The following ASTN2 variants were observed in gnomAD, a reference collection of about 807,000 sequenced individuals.
ASTN2 encodes the protein astrotactin-2.
A neutral mutation model predicts 139.8 loss-of-function variants in ASTN2; 54 were observed. The ratio of observed to expected loss-of-function variants is 0.39; its 90% confidence interval spans 0.31 to 0.48. The LOEUF (loss-of-function observed/expected upper bound fraction) is 0.48. Among genes scored for constraint, ASTN2 ranks in the 20% least tolerant of loss-of-function variants. ASTN2 has a pLI of 0.95. For synonymous variants in ASTN2, 756 were observed against 719.5 expected, an observed-to-expected ratio of 1.05 and a Z score of -0.81; for missense variants, 1,565 against 1,725.1, an observed-to-expected ratio of 0.91 and a Z score of 1.64.
At chr9:117,372,540 A>T (rs1457912656) in intron 1 of ASTN2, among the ~76,000 whole-genome samples, 1 of 152,180 alleles carries the variant, frequency 6.6e-6, no homozygotes, top group African/African-American at 2.4e-5. Flanking sequence ...CATCTCACTG[A>T]GCCTCAGTTT....
At chr9:117,185,291 T>G (rs1831169075) in intron 3 of ASTN2, among the ~76,000 whole-genome samples, 2 of 152,232 alleles carry the variant, frequency 1.3e-5, no homozygotes, top group South Asian at 4.1e-4. Flanking sequence ...AATCTGTCAC[T>G]TCCTGATTTA....
chr9:117,377,521 T>G (rs552217928), intron 1 of ASTN2, among the ~76,000 whole-genome samples: 3 of 152,280 alleles, frequency 2.0e-5, no homozygotes, highest in African/African-American at 7.2e-5. Flanking sequence ...TCTCTGAGTG[T>G]AAATTAGGAT....
At chr9:117,238,527 T>C (rs1460086958) in intron 2 of ASTN2, among the ~76,000 whole-genome samples, 1 of 152,196 alleles carries the variant, frequency 6.6e-6, no homozygotes, top group East Asian at 1.9e-4. Flanking sequence ...GGCCAACAGC[T>C]CTGGCTCTGG....
intron 1 of ASTN2, among the ~76,000 whole-genome samples, chr9:117,321,922 C>G (rs890660310): frequency 6.6e-6 from 1 of 152,166 alleles, no homozygotes; most frequent in African/African-American, 2.4e-5. Flanking sequence ...GGAGAAAAAT[C>G]ACCTCCTGTT....
chr9:117,160,183 C>T lies in ASTN2; in HGVS notation c.1016-18705G>A, dbSNP rs374861355. Among the ~76,000 whole-genome samples the T allele has an allele frequency of 1.3e-4, 19 of 151,990 alleles. No homozygotes were observed. In the East Asian group the frequency reaches 2.7e-3, roughly 22 times the overall value. ...TGGCCAATGGGGAGTGAATATTTGCCGAATGGTAATCCAAGCTATTAAATA... is the reference window on the plus strand; with the variant it reads ...TGGCCAATGGGGAGTGAATATTTGCTGAATGGTAATCCAAGCTATTAAATA... On this transcript the variant is annotated intron_variant, in intron 3 of 22. Transcript: ENST00000313400.
At chr9:117,006,972 C>T (rs994516366) in intron 7 of ASTN2, among the ~76,000 whole-genome samples, 4 of 152,068 alleles carry the variant, frequency 2.6e-5, no homozygotes, top group Admixed American at 1.3e-4. Flanking sequence ...CAAAAATTAG[C>T]GACGTGTGGT....
Position 116,426,065 on chromosome 9 carries a change from C to G in ASTN2, c.3806G>C (p.Arg1269Pro). 6.2e-7 allele frequency: 1 copy of G among 1,613,530 alleles called. No individual in the cohort carries two copies. The highest frequency in any genetic ancestry group is 8.5e-7 in the Non-Finnish European group (1 of 1,180,018). The change falls in exon 23 of 23, where the codon CGA becomes CCA. Residue 1269 changes from arginine (R) to proline (P), a missense_variant. Physicochemically the swap from Arg to Pro is moderately radical, Grantham distance 103. Transcript: ENST00000313400. ...GCAGTGGCTACTCACCCTCTCCAGT[C>G]GCCGTAGAATCAGGTGGGCCTTCCT... ...GPRKAHLILRRLERVSSHCSS... is the reference protein window; with the variant it reads ...GPRKAHLILRPLERVSSHCSS...
At chr9:116,630,830 C>A (rs1856709964) in intron 17 of ASTN2, among the ~76,000 whole-genome samples, 1 of 150,770 alleles carries the variant, frequency 6.6e-6, no homozygotes, top group African/African-American at 2.4e-5. Context: ...GGGTTAATAT[C>A]CAGAATATAT....
rs559625584 is a variant in ASTN2, at chr9:117,222,265, G to A, written c.631-7523C>T. 3.3e-5 allele frequency among the ~76,000 whole-genome samples: 5 copies of A among 152,204 alleles called. No homozygotes were observed. In the East Asian group the frequency reaches 9.7e-4, roughly 29 times the overall value. ...CTATCTTTGTGGATAACCTTGTCTCGAACGTATGCTTTTGAAATGCCCTTC... is the reference window on the plus strand; with the variant it reads ...CTATCTTTGTGGATAACCTTGTCTCAAACGTATGCTTTTGAAATGCCCTTC... On this transcript the variant is annotated intron_variant, in intron 2 of 22. Transcript: ENST00000313400.
rs147051809 is a variant in ASTN2, at chr9:116,469,496, C to T, written c.3497+17863G>A. ...CTCAGCAGGAGGGAATATAGTTCAG[C>T]GGGTCAGAGCCTGAGCTCTGAGGTC... On this transcript the variant is annotated intron_variant, in intron 20 of 22. Coordinates refer to ENST00000313400, the MANE Select transcript of ASTN2 (RefSeq NM_001365068.1). Among the ~76,000 whole-genome samples, 751 of 152,226 alleles carry T rather than the reference C, an allele frequency of 4.9e-3. 8 individuals carry two copies. The highest frequency in any genetic ancestry group is 0.017 in the African/African-American group (700 of 41,528).
chr9:116,426,232 C>T, intron 22 of ASTN2, 144 bp from the exon 23 acceptor site: 1 of 1,043,878 alleles, frequency 9.6e-7, no homozygotes, highest in Non-Finnish European at 1.4e-6. Flanking sequence ...ACTTCAAACA[C>T]TGATTCAAAA....
At chr9:117,205,840 C>A (rs771071239) in intron 3 of ASTN2, among the ~76,000 whole-genome samples, 4 of 152,160 alleles carry the variant, frequency 2.6e-5, no homozygotes, top group Admixed American at 6.5e-5. Context: ...AAGAACTGTG[C>A]CTTTGTTGCA....
chr9:116,591,198 G>A (rs1431293356), intron 19 of ASTN2, among the ~76,000 whole-genome samples: 1 of 152,172 alleles, frequency 6.6e-6, no homozygotes, highest in Non-Finnish European at 1.5e-5. Context: ...GGGCCATGAC[G>A]CCCTCTTTGG....
At chr9:116,642,152 A>AAAAAAAAAAAAG (rs1434227950) in intron 17 of ASTN2, among the ~76,000 whole-genome samples, 1 of 150,380 alleles carries the variant, frequency 6.6e-6, no homozygotes, top group Non-Finnish European at 1.5e-5. Flanking sequence ...AAAACAAAAA[A>AAAAAAAAAAAAG]AAACAGAATC....
At chr9:116,785,961 G>T (rs1306182135) in intron 13 of ASTN2, among the ~76,000 whole-genome samples, 1 of 152,140 alleles carries the variant, frequency 6.6e-6, no homozygotes, top group African/African-American at 2.4e-5. Context: ...ACTGCATTTA[G>T]GAGTCCCACA....
chr9:117,177,956 A>G (rs1050818011), intron 3 of ASTN2, among the ~76,000 whole-genome samples: 21 of 152,002 alleles, frequency 1.4e-4, no homozygotes, highest in Admixed American at 1.2e-3. Flanking sequence ...GCTCTTTACC[A>G]TCAACTCCAA....
chr9:116,632,593 A>G (rs541977371), intron 17 of ASTN2, among the ~76,000 whole-genome samples: 2 of 152,206 alleles, frequency 1.3e-5, no homozygotes, highest in African/African-American at 4.8e-5. Context: ...CCAGTCCTAC[A>G]TACCAGCTAC....
At chr9:116,605,389 G>A (rs576453511) in intron 19 of ASTN2, among the ~76,000 whole-genome samples, 1 of 152,128 alleles carries the variant, frequency 6.6e-6, no homozygotes, top group South Asian at 2.1e-4. Flanking sequence ...CTGAAGCTGA[G>A]AATCCCATGA....
rs926497610 is a variant in ASTN2, at chr9:116,547,875, C to G, written c.3356-60375G>C. Among the ~76,000 whole-genome samples, 21 of 152,144 alleles carry G rather than the reference C, an allele frequency of 1.4e-4. 1 individual carries two copies. Among genetic ancestry groups the G allele is most frequent in the Admixed American group, 6.5e-5 (1 of 15,272 alleles). ...TGAGGTTCTGTGTCCCATTCCCTCCCCTCCAGGCATCAGCCTCTGCGTGGG... is the reference window on the plus strand; with the variant it reads ...TGAGGTTCTGTGTCCCATTCCCTCCGCTCCAGGCATCAGCCTCTGCGTGGG... On this transcript the variant is annotated intron_variant, in intron 19 of 22. Transcript: ENST00000313400.
Sources: allele counts gnomAD v4.1 joint callset (sites outside exome capture counted in the v4.1 genomes callset), GRCh38; gene constraint gnomAD v4.1.1; transcripts MANE v1.5; gene names NCBI Gene and HGNC (gene_info 2026-07-23, HGNC 2026-07-21).